Variants in NEK5 observed in about 807,000 individuals in gnomAD.
The protein encoded by NEK5 is NIMA related kinase 5.
A neutral mutation model predicts 109.2 loss-of-function variants in NEK5; 88 were observed. The ratio of observed to expected loss-of-function variants is 0.81; its 90% confidence interval spans 0.68 to 0.96. The LOEUF is 0.96. Ranked by LOEUF, NEK5 falls within the 40% of genes least tolerant of loss-of-function variation. The probability of loss-of-function intolerance (pLI) is 0.00; values close to 1 mark genes in which losing one functional copy is unlikely to be tolerated. For missense variants in NEK5, 834 were observed against 920.7 expected (o/e 0.91, Z 1.22); for synonymous variants, 283 against 299.9 (o/e 0.94, Z 0.58).
intron 20 of NEK5, among the ~76,000 whole-genome samples, chr13:52,071,064 T>C (rs1237103326): frequency 2.0e-5 from 3 of 152,124 alleles, no homozygotes; most frequent in East Asian, 3.9e-4. Flanking sequence ...ACCACACTAC[T>C]GAGAGATGAC....
At chr13:52,079,065 T>G (rs141200351) in intron 17 of NEK5, among the ~76,000 whole-genome samples, 2 of 152,274 alleles carry the variant, frequency 1.3e-5, no homozygotes, top group African/African-American at 4.8e-5. Flanking sequence ...TATGAAGTAC[T>G]TGGAAATGCT....
intron 8 of NEK5, 83 bp downstream of exon 8, chr13:52,108,235 T>A (rs1291153972): frequency 1.3e-6 from 1 of 797,396 alleles, no homozygotes; most frequent in Non-Finnish European, 2.1e-6. Context: ...AAGAAGAGAT[T>A]TGAATTTTAG....
intron 3 of NEK5, among the ~76,000 whole-genome samples, chr13:52,121,162 T>A (rs1955962527): frequency 6.7e-6 from 1 of 149,880 alleles, no homozygotes; most frequent in African/African-American, 2.4e-5. Context: ...AAGAAATCTT[T>A]TTTTTTTTTT....
intron 17 of NEK5, 102 bp downstream of exon 17, chr13:52,083,158 A>C (rs1355793193): frequency 1.7e-5 from 13 of 766,560 alleles, no homozygotes; most frequent in Non-Finnish European, 2.7e-5. Flanking sequence ...GAAAAAAAAA[A>C]AAAGTTCCCT....
rs1954331381 is a variant in NEK5 at position 52,033,802 on chromosome 13, T to G, written c.*3146A>C. The stretch of plus-strand genomic sequence containing the variant: ...GTAAATATACCCCAGAGTCCAAAAC[T>G]CTGATATATTCATATATATTCACAA... On this transcript the variant is annotated 3_prime_UTR_variant, in exon 24 of 24. Coordinates refer to ENST00000684899, the MANE Select transcript of NEK5 (RefSeq NM_001365552.1). The G allele has an allele frequency of 6.6e-6, 1 of 152,180 alleles. No individual in the cohort carries two copies. The highest frequency in any genetic ancestry group is 2.4e-5 in the African/African-American group (1 of 41,416). The allele number at this position is 152,180 out of a possible 1,614,324, so 9.4% of individuals were successfully genotyped here. A position where few individuals can be genotyped will look rare whatever the true frequency, so the allele number is the denominator to read the frequency against.
At chr13:52,115,598 C>T (rs538099093) in intron 4 of NEK5, among the ~76,000 whole-genome samples, 29 of 94,698 alleles carry the variant, frequency 3.1e-4, no homozygotes, top group Admixed American at 2.6e-3. Context: ...AGTGAGACTC[C>T]GTCAAAAAAA....
At chr13:52,128,124 C>T (rs570013933) in intron 1 of NEK5, among the ~76,000 whole-genome samples, 1 of 152,232 alleles carries the variant, frequency 6.6e-6, no homozygotes, top group South Asian at 2.1e-4. Flanking sequence ...TGGAAAAATC[C>T]GTTTGTGGCT....
Position 52,063,685 on chromosome 13 carries a change from G to A in NEK5, c.1976-1732C>T, listed in dbSNP as rs558721057. Among the ~76,000 whole-genome samples, 16 of 144,894 alleles carry A rather than the reference G, an allele frequency of 1.1e-4. No homozygotes were observed. In the East Asian group the frequency reaches 1.7e-3, roughly 15 times the overall value. ...ATGTGGGGAGCACCTCTGCCCTGCC[G>A]CCCCGTCTGGGATGTGAGAAGCGCC... On this transcript the variant is annotated intron_variant, in intron 21 of 23. Coordinates refer to ENST00000684899, the MANE Select transcript of NEK5 (RefSeq NM_001365552.1).
Position 52,083,320 on chromosome 13 carries a change from C to A in NEK5, c.1512G>T (p.Leu504Phe). ...ENSKISHKTY[L>F]VKKSNLPVHQ... ...GGACAGGCAGGTTACTCTTCTTCAC[C>A]AAATAGGTTTTATGACTTATTTTTG... Residue 504 changes from leucine to phenylalanine, a missense_variant, in exon 17 of 24, where the codon TTG (leucine) becomes TTT (phenylalanine). This residue lies in a region of NEK5 where 777 missense variants were observed against 824.7 expected (regional missense o/e 0.94). Coordinates refer to ENST00000684899, the MANE Select transcript of NEK5 (RefSeq NM_001365552.1). 4 of 1,612,774 alleles carry A rather than the reference C, an allele frequency of 2.5e-6. 1 individual carries two copies. In the South Asian group the frequency reaches 4.4e-5, roughly 18 times the overall value.
In NEK5 at chr13:52,050,076, C is replaced by CT. The variant is rs1954491112; in HGVS notation, c.2228+27dup. ...ATTTTCACTTTGTACCAGTGCTCGA[C>CT]TTAGGTATCGGCAAATGATCTACTT... On this transcript the variant is annotated intron_variant, in intron 23 of 23. Coordinates refer to ENST00000684899, the MANE Select transcript of NEK5 (RefSeq NM_001365552.1). 8.1e-6 allele frequency: 7 copies of CT among 859,926 alleles called. No homozygotes were observed. In the African/African-American group the frequency reaches 1.3e-4, roughly 16 times the overall value. The allele number at this position is 859,926 out of a possible 1,614,324, so 53.3% of individuals were successfully genotyped here.
chr13:52,087,675 G>C (rs1955179737), intron 14 of NEK5, among the ~76,000 whole-genome samples: 1 of 152,106 alleles, frequency 6.6e-6, no homozygotes, highest in Non-Finnish European at 1.5e-5. Context: ...ACCCAGGCTG[G>C]AGTACAGCGG....
At chr13:52,067,554 A>C (rs1954709839) in intron 20 of NEK5, among the ~76,000 whole-genome samples, 1 of 152,136 alleles carries the variant, frequency 6.6e-6, no homozygotes, top group African/African-American at 2.4e-5. Context: ...GGTGGGCCCC[A>C]GTGAGCACAT....
chr13:52,039,788 C>T (rs1302202554), intron 23 of NEK5, among the ~76,000 whole-genome samples: 1 of 151,980 alleles, frequency 6.6e-6, no homozygotes, highest in East Asian at 1.9e-4. Flanking sequence ...AGATTTTTTT[C>T]AACTTCCAGA....
At chr13:52,094,791 A>G (rs1955369048) in intron 12 of NEK5, among the ~76,000 whole-genome samples, 1 of 152,264 alleles carries the variant, frequency 6.6e-6, no homozygotes, top group South Asian at 2.1e-4. Flanking sequence ...GAAATTGCCC[A>G]GAATTGACCA....
At chr13:52,047,482 T>C (rs1266582187) in intron 23 of NEK5, among the ~76,000 whole-genome samples, 4 of 152,126 alleles carry the variant, frequency 2.6e-5, no homozygotes, top group Non-Finnish European at 5.9e-5. Flanking sequence ...AGTTAGGTAG[T>C]AGGAAGACTG....
intron 22 of NEK5, among the ~76,000 whole-genome samples, chr13:52,057,544 C>A (rs537006988): frequency 1.3e-5 from 2 of 152,128 alleles, no homozygotes; most frequent in East Asian, 3.9e-4. Context: ...ATGCAAAAAT[C>A]CTCAATAAAA....
rs530555450 is a variant in NEK5 at position 52,089,503 on chromosome 13, AAG to A, written c.1209-192_1209-191del. On this transcript the variant is annotated intron_variant, in intron 13 of 23. Coordinates refer to ENST00000684899, the MANE Select transcript of NEK5 (RefSeq NM_001365552.1). ...GAAAATTTTGGAATCAAAAGGAAAAAAGGATGAAGAGTAACAAGTGGGGATAC... is the reference window on the plus strand; with the variant it reads ...GAAAATTTTGGAATCAAAAGGAAAAAGATGAAGAGTAACAAGTGGGGATAC... Among the ~76,000 whole-genome samples, 246 of 152,336 alleles carry A rather than the reference AAG, an allele frequency of 1.6e-3. 2 individuals carry two copies. Among genetic ancestry groups the A allele is most frequent in the Middle Eastern group, 6.8e-3 (2 of 294 alleles).
At chr13:52,068,282 G>A (rs1021096826) in intron 20 of NEK5, among the ~76,000 whole-genome samples, 1 of 151,984 alleles carries the variant, frequency 6.6e-6, no homozygotes, top group Non-Finnish European at 1.5e-5. Flanking sequence ...AAAGAGTTCT[G>A]GGTAATACCT....
intron 4 of NEK5, among the ~76,000 whole-genome samples, chr13:52,118,563 T>G (rs573760389): frequency 6.6e-6 from 1 of 152,310 alleles, no homozygotes; most frequent in African/African-American, 2.4e-5. Context: ...TTTTTTACCT[T>G]TGGACTACAG....
Sources: gnomAD v4.1 joint callset for allele counts (sites outside exome capture counted in the v4.1 genomes callset) on GRCh38, gnomAD v4.1.1 for gene constraint, gnomAD v4.1.1 regional missense constraint, MANE v1.5 for transcripts, NCBI Gene and HGNC (gene_info 2026-07-23, HGNC 2026-07-21) for gene names.